The following CDH3 variants were observed in gnomAD, a reference collection of about 807,000 sequenced individuals.
CDH3 encodes the protein cadherin 3, also known as cadherin-3.
Under a neutral mutation model 82.0 loss-of-function variants are expected in CDH3, and 54 were observed. That is an observed-to-expected ratio of 0.66 (90% CI 0.53 to 0.83). CDH3 has a LOEUF of 0.83. Ranked by LOEUF, CDH3 falls within the 40% of genes least tolerant of loss-of-function variation. The probability of loss-of-function intolerance (pLI) is 0.00; values close to 1 mark genes in which losing one functional copy is unlikely to be tolerated. For missense variants in CDH3, 1,054 were observed against 1,084.6 expected (o/e 0.97, Z 0.40); for synonymous variants, 446 against 437.9 (o/e 1.02, Z -0.23).
chr16:68,697,032 A>T (rs1961745887), intron 15 of CDH3: 1 of 151,614 alleles, frequency 6.6e-6, no homozygotes. Flanking sequence ...TCTCAAAAAA[A>T]AAAAAAAGGC....
At chr16:68,665,100 T>C (rs1390649479) in intron 2 of CDH3, among the ~76,000 whole-genome samples, 1 of 152,196 alleles carries the variant, frequency 6.6e-6, no homozygotes. Flanking sequence ...TTTTTAATAC[T>C]TTATTGTGCT....
chr16:68,655,358 G>A (rs1188519909), intron 2 of CDH3, among the ~76,000 whole-genome samples: 1 of 152,180 alleles, frequency 6.6e-6, no homozygotes, highest in East Asian at 1.9e-4. Flanking sequence ...GATACTCAGA[G>A]GGTAAGTAAG....
downstream of CDH3, among the ~76,000 whole-genome samples, chr16:68,700,649 A>C (rs1346283834): frequency 6.6e-6 from 1 of 152,148 alleles, no homozygotes; most frequent in Non-Finnish European, 1.5e-5. Flanking sequence ...CAAAGTGCAG[A>C]GTTATAGGCG....
chr16:68,698,523 AGACAGGCTAT>A lies in CDH3; in HGVS notation c.*126_*135del. The A allele has an allele frequency of 1.2e-6, 1 of 829,142 alleles. No homozygotes were observed. The highest frequency in any genetic ancestry group is 1.6e-5 in the South Asian group (1 of 63,408). The allele number at this position is 829,142 out of a possible 1,614,324, so 51.4% of individuals were successfully genotyped here. On this transcript the variant is annotated 3_prime_UTR_variant, in exon 16 of 16. Transcript: ENST00000264012. ...GGAAGTGGCCGTAGCAACTTGGCGG[AGACAGGCTAT>A]GAGTCTGACGTTAGAGTGGTGGCTT...
At chr16:68,702,028 A>T (rs1029179961), downstream of CDH3, among the ~76,000 whole-genome samples, 6 of 151,756 alleles carry the variant, frequency 4.0e-5, no homozygotes, top group Admixed American at 1.3e-4. Context: ...CCATCTAAAA[A>T]ATATATATAT....
chr16:68,655,681 T>TAACAAC (rs10689316), intron 2 of CDH3, among the ~76,000 whole-genome samples: 3 of 151,704 alleles, frequency 2.0e-5, no homozygotes, highest in African/African-American at 4.8e-5. Context: ...CCGTCTCTGC[T>TAACAAC]AACAACAACA....
In CDH3 at chr16:68,645,314, G is replaced by A; in HGVS notation, c.-66G>A. The A allele has an allele frequency of 5.2e-6, 8 of 1,539,550 alleles. No homozygotes were observed. Among genetic ancestry groups the A allele is most frequent in the Non-Finnish European group, 7.1e-6 (8 of 1,120,396 alleles). ...CTCCCGGGGGCTGCGGTGCTCAAAG[G>A]GGCAAGAGCTGAGCGGAACACCGGC... On this transcript the variant is annotated 5_prime_UTR_variant, in exon 1 of 16. Transcript: ENST00000264012.
chr16:68,725,408 A>G (rs1309567967), intron 2 of CDH3, among the ~76,000 whole-genome samples: 9 of 150,944 alleles, frequency 6.0e-5, no homozygotes, highest in Admixed American at 5.3e-4. Context: ...ATCTCGGCTC[A>G]CTGCAAGCTC....
intron 8 of CDH3, 47 bp from the exon 9 acceptor site, chr16:68,682,255 G>C (rs1961249569): frequency 6.3e-7 from 1 of 1,589,690 alleles, no homozygotes; most frequent in African/African-American, 1.3e-5. Context: ...TCTGGAGTAG[G>C]ACAGTCATTC....
chr16:68,684,457 A>G, intron 9 of CDH3, 126 bp from the exon 10 acceptor site: 1 of 1,047,544 alleles, frequency 9.5e-7, no homozygotes, highest in Non-Finnish European at 1.5e-6. Flanking sequence ...GAGAAAGGGC[A>G]GCACTGTTGC....
At position 68,691,700 on chromosome 16, in the gene CDH3, C is replaced by T; in HGVS notation, c.1796-20C>T. On this transcript the variant is annotated intron_variant, in intron 12 of 15. Coordinates refer to ENST00000264012, the MANE Select transcript of CDH3 (RefSeq NM_001793.6). ...CGCACTGATGGTTCCCACAGCTAAT[C>T]AATGATCTGTTCACTCCAGGTGACA... is the stretch of plus-strand genomic sequence containing the variant. The T allele has an allele frequency of 6.2e-7, 1 of 1,600,094 alleles. No homozygotes were observed. The highest frequency in any genetic ancestry group is 1.7e-5 in the Admixed American group (1 of 60,006).
In CDH3 at chr16:68,679,962, C is replaced by A. The variant is rs1294381591; in HGVS notation, c.855C>A (p.Gly285=). The part of the protein sequence containing the change: ...STGTISVISS[G]LDREKVPEYT... The stretch of plus-strand genomic sequence containing the variant: ...GCACCATCAGCGTCATCTCCAGTGG[C>A]CTGGACCGGGAAGTGAGTGGCCCTT... The change falls in exon 7 of 16, where the codon GGC becomes GGA. Residue 285 remains glycine (G), a synonymous_variant. Transcript: ENST00000264012. 6.2e-7 allele frequency: 1 copy of A among 1,614,116 alleles called. No individual in the cohort carries two copies. The highest frequency in any genetic ancestry group is 1.3e-5 in the African/African-American group (1 of 75,054).
intron 2 of CDH3, among the ~76,000 whole-genome samples, chr16:68,657,152 C>G (rs1300160491): frequency 6.6e-6 from 1 of 152,174 alleles, no homozygotes; most frequent in Non-Finnish European, 1.5e-5. Flanking sequence ...CTGCCTCTGT[C>G]TGCTGGACTT....
At chr16:68,686,491 A>G in intron 11 of CDH3, 1 of 1,188,286 alleles carries the variant, frequency 8.4e-7, no homozygotes, top group East Asian at 2.3e-5. Context: ...GAAAAATCTC[A>G]AGGAAAAGTA....
Position 68,684,794 on chromosome 16 carries a change from A to T in CDH3, c.1394A>T (p.Glu465Val), listed in dbSNP as rs779298213. 1.2e-6 allele frequency: 2 copies of T among 1,614,202 alleles called. No homozygotes were observed. Among genetic ancestry groups the T allele is most frequent in the South Asian group, 2.2e-5 (2 of 91,076 alleles). Residue 465 changes from glutamate to valine, a missense_variant, in exon 10 of 16, where the codon GAA (glutamate) becomes GTA (valine). Physicochemically the swap from Glu to Val is moderately radical, Grantham distance 121. Transcript: ENST00000264012. ...GAGCCTGTGTGTGTCTACACTGCAG[A>T]AGACCCTGACAAGGAGAATCAAAAG... ...TGEPVCVYTA[E>V]DPDKENQKIS...
chr16:68,731,358 A>C, downstream of CDH3, among the ~76,000 whole-genome samples: 1 of 86,648 alleles, frequency 1.2e-5, no homozygotes, highest in Non-Finnish European at 2.2e-5. Flanking sequence ...ACAAGAGTGA[A>C]ACTCCGTCTC....
chr16:68,663,823 T>G (rs1960663692), intron 2 of CDH3, among the ~76,000 whole-genome samples: 1 of 152,080 alleles, frequency 6.6e-6, no homozygotes, highest in Non-Finnish European at 1.5e-5. Context: ...TATTTTATTT[T>G]ATTTTATTAT....
At chr16:68,683,827 G>A (rs2152102288) in intron 9 of CDH3, among the ~76,000 whole-genome samples, 1 of 152,002 alleles carries the variant, frequency 6.6e-6, no homozygotes, top group Admixed American at 6.6e-5. Context: ...TAGCACTTTG[G>A]GAGGCCGAGG....
At chr16:68,695,707 T>G in intron 14 of CDH3, 70 bp from the exon 15 acceptor site, 201 of 1,530,164 alleles carry the variant, frequency 1.3e-4, no homozygotes, top group Middle Eastern at 1.9e-4. Flanking sequence ...GGGTGTGGGG[T>G]GAGATGTAAG....
Sources: allele counts gnomAD v4.1 joint callset (sites outside exome capture counted in the v4.1 genomes callset), GRCh38; gene constraint gnomAD v4.1.1; transcripts MANE v1.5; gene names NCBI Gene and HGNC (gene_info 2026-07-23, HGNC 2026-07-21).